ZFAT: variants seen among roughly 807,000 people sequenced by gnomAD.
ZFAT encodes zinc finger and AT-hook domain containing.
ZFAT carries 64 observed loss-of-function variants against 117.7 expected under a neutral mutation model. That is an observed-to-expected ratio of 0.54 (90% CI 0.44 to 0.67). ZFAT has a LOEUF of 0.67. ZFAT is among the 30% of genes least tolerant of loss of function. The pLI, the probability that ZFAT is intolerant of heterozygous loss-of-function variation, is 0.00. For missense variants in ZFAT, 1,433 were observed against 1,584.5 expected, an observed-to-expected ratio of 0.90 and a Z score of 1.62; for synonymous variants, 679 against 615.0, an observed-to-expected ratio of 1.10 and a Z score of -1.54.
intron 5 of ZFAT, among the ~76,000 whole-genome samples, chr8:134,605,519 C>A (rs1481096066): frequency 6.6e-6 from 1 of 150,468 alleles, no homozygotes; most frequent in Non-Finnish European, 1.5e-5. Flanking sequence ...GCACTCCAGC[C>A]CGGGAGACAG....
chr8:134,581,696 C>T (rs764496379), intron 10 of ZFAT, among the ~76,000 whole-genome samples: 2 of 152,170 alleles, frequency 1.3e-5, no homozygotes, highest in Non-Finnish European at 2.9e-5. Context: ...GCAATCCTCC[C>T]ACCTCAGCCT....
chr8:134,806,843 C>T, the ZFAT span, among the ~76,000 whole-genome samples: 1 of 152,158 alleles, frequency 6.6e-6, no homozygotes, highest in Non-Finnish European at 1.5e-5. Flanking sequence ...AAAATACCTT[C>T]TATCATTATA....
chr8:134,829,262 C>T, the ZFAT span, among the ~76,000 whole-genome samples: 226 of 152,302 alleles, frequency 1.5e-3, 4 homozygotes, highest in South Asian at 0.019. Flanking sequence ...ATTTTTGTTG[C>T]AATTTTTTAA....
intron 3 of ZFAT, among the ~76,000 whole-genome samples, chr8:134,611,164 G>T (rs1362582947): frequency 6.6e-6 from 1 of 152,234 alleles, no homozygotes; most frequent in Admixed American, 6.5e-5. Context: ...GCAGTCCAGG[G>T]CAGTCTGCTG....
chr8:134,720,843 G>C, the ZFAT span, among the ~76,000 whole-genome samples: 1 of 152,186 alleles, frequency 6.6e-6, no homozygotes, highest in African/African-American at 2.4e-5. Context: ...AAATCAAACG[G>C]AATAAAATAA....
At chr8:134,666,765 G>A (rs907667773) in intron 1 of ZFAT, among the ~76,000 whole-genome samples, 2 of 152,010 alleles carry the variant, frequency 1.3e-5, no homozygotes, top group African/African-American at 4.8e-5. Flanking sequence ...AGGACCTGTG[G>A]GACTGTAACA....
At chr8:134,588,450 C>T in intron 8 of ZFAT, 55 bp from the exon 9 acceptor site, 1 of 1,508,400 alleles carries the variant, frequency 6.6e-7, no homozygotes, top group South Asian at 1.3e-5. Flanking sequence ...GGAAGTTAGA[C>T]ATAAATAAAC....
chr8:134,635,410 C>T (rs752838039), intron 3 of ZFAT, among the ~76,000 whole-genome samples: 1 of 152,154 alleles, frequency 6.6e-6, no homozygotes, highest in Non-Finnish European at 1.5e-5. Context: ...AGGAAAAACC[C>T]TGTGAAGGTA....
At chr8:134,616,413 C>A (rs900980697) in intron 3 of ZFAT, among the ~76,000 whole-genome samples, 2 of 152,214 alleles carry the variant, frequency 1.3e-5, no homozygotes, top group African/African-American at 4.8e-5. Flanking sequence ...ACTTGACCCA[C>A]CTTTGTACTT....
At chr8:134,609,165 C>CATATACATATATATGTATAT (rs1828132028) in intron 4 of ZFAT, among the ~76,000 whole-genome samples, 1 of 151,726 alleles carries the variant, frequency 6.6e-6, no homozygotes, top group Admixed American at 6.6e-5. Context: ...TACACACACA[C>CATATACATATATATGTATAT]ACATATACAT....
chr8:134,634,897 A>G (rs189617086), intron 3 of ZFAT, among the ~76,000 whole-genome samples: 27 of 152,112 alleles, frequency 1.8e-4, no homozygotes, highest in African/African-American at 6.5e-4. Flanking sequence ...TTTTCCACAG[A>G]TGGCGGGGTG....
chr8:134,592,567 A>T (rs1826586746), intron 7 of ZFAT, among the ~76,000 whole-genome samples: 1 of 152,216 alleles, frequency 6.6e-6, no homozygotes. Context: ...CCTCCTTCAC[A>T]GGGTCACAGG....
At chr8:134,660,059 G>A (rs865791920) in intron 1 of ZFAT, among the ~76,000 whole-genome samples, 3 of 152,168 alleles carry the variant, frequency 2.0e-5, no homozygotes, top group South Asian at 2.1e-4. Flanking sequence ...AATGCTTCCC[G>A]AACAAGAAGA....
rs890007606 is a variant in ZFAT at position 134,594,757 on chromosome 8, G to A, written c.2476-4402C>T. 4.6e-5 allele frequency: 7 copies of A among 152,246 alleles called. No individual in the cohort carries two copies. The South Asian group carries it at 1.0e-3, about 23-fold the overall frequency. 9.4% of individuals were successfully genotyped at this position (152,246 alleles called of 1,614,324 possible). On this transcript the variant is annotated intron_variant, in intron 7 of 15. Transcript: ENST00000377838. ...TTTCCAGGGGATTTGTTAGGTTACG[G>A]AGCCACACCACTTCTAAGTCCCAGA...
chr8:134,771,171 G>A, the ZFAT span, among the ~76,000 whole-genome samples: 145 of 152,306 alleles, frequency 9.5e-4, no homozygotes, highest in African/African-American at 3.3e-3. Flanking sequence ...AGTTTTTGTG[G>A]CTTGTGAGGC....
chr8:134,657,799 A>G, intron 1 of ZFAT, 62 bp from the exon 2 acceptor site: 4 of 1,544,986 alleles, frequency 2.6e-6, no homozygotes, highest in South Asian at 1.2e-5. Flanking sequence ...ATTACTTCCA[A>G]TTGCCAAAGA....
In ZFAT at chr8:134,661,473, T is replaced by C. The variant is rs192517761; in HGVS notation, c.20-3736A>G. On this transcript the variant is annotated intron_variant, in intron 1 of 15. Coordinates refer to ENST00000377838, the MANE Select transcript of ZFAT (RefSeq NM_020863.4). ...CTCCCCTGCGTGTCCACACCCTGGA[T>C]TCTGCAATGGCCCCATCACATGGCT... Among the ~76,000 whole-genome samples the C allele has an allele frequency of 1.8e-4, 28 of 152,288 alleles. 1 individual carries two copies. The highest frequency in any genetic ancestry group is 4.1e-4 in the South Asian group (2 of 4,830).
At chr8:134,507,145 C>T (rs1376764744) in intron 15 of ZFAT, among the ~76,000 whole-genome samples, 1 of 152,118 alleles carries the variant, frequency 6.6e-6, no homozygotes, top group Non-Finnish European at 1.5e-5. Context: ...TGCTTCAGCA[C>T]AGTTATTAAG....
At position 134,600,493 on chromosome 8, in the gene ZFAT, G is replaced by A. The variant is rs770952374; in HGVS notation, c.2418C>T (p.Asp806=). The A allele has an allele frequency of 3.3e-5, 54 of 1,614,110 alleles. 1 individual carries two copies. The South Asian group carries it at 4.2e-4, about 12-fold the overall frequency. ...GCTTATATTTATCTGGAGTTGAGTA[G>A]TCACAGCCATCGGTGGGACACTTCA... ...ILLKCPTDGC[D]YSTPDKYKLQ... is the part of the protein sequence containing the mutation. The change falls in exon 7 of 16, where the codon GAC becomes GAT. Residue 806 remains aspartate, a synonymous_variant. Coordinates refer to ENST00000377838, the MANE Select transcript of ZFAT (RefSeq NM_020863.4).
Sources: allele counts gnomAD v4.1 joint callset (sites outside exome capture counted in the v4.1 genomes callset), GRCh38; gene constraint gnomAD v4.1.1; transcripts MANE v1.5; gene names NCBI Gene and HGNC (gene_info 2026-07-23, HGNC 2026-07-21).